ITPR1: variants seen among roughly 807,000 people sequenced by gnomAD.
The protein encoded by ITPR1 is inositol 1,4,5-trisphosphate receptor type 1.
In ITPR1, 96 loss-of-function variants were observed where a neutral mutation model predicts 318.4. That is an observed-to-expected ratio of 0.30 (90% CI 0.26 to 0.36). The LOEUF (loss-of-function observed/expected upper bound fraction) is 0.36. ITPR1 is among the 10% of genes least tolerant of loss of function. The pLI, the probability that ITPR1 is intolerant of heterozygous loss-of-function variation, is 1.00. For missense variants in ITPR1, 2,440 were observed against 3,460.2 expected (o/e 0.71, Z 7.40); for synonymous variants, 1,312 against 1,289.9 (o/e 1.02, Z -0.37).
chr3:4,544,580 G>A (rs1468677090), intron 4 of ITPR1, among the ~76,000 whole-genome samples: 5 of 152,144 alleles, frequency 3.3e-5, no homozygotes, highest in African/African-American at 1.2e-4. Context: ...GCCTTAGTTT[G>A]GCTAGCTAAG....
At chr3:4,609,589 G>A (rs933289786) in intron 4 of ITPR1, among the ~76,000 whole-genome samples, 3 of 151,814 alleles carry the variant, frequency 2.0e-5, no homozygotes, top group African/African-American at 7.3e-5. Context: ...GGGGCTGGAT[G>A]GGAAATGCTG....
chr3:4,787,231 AG>A (rs2047251892), intron 51 of ITPR1, among the ~76,000 whole-genome samples: 1 of 150,188 alleles, frequency 6.7e-6, no homozygotes, highest in Non-Finnish European at 1.5e-5. Context: ...TCCAGATAAA[AG>A]TTGGTCACCT....
chr3:4,719,422 C>T (rs150544378), intron 40 of ITPR1, among the ~76,000 whole-genome samples: 1 of 152,206 alleles, frequency 6.6e-6, no homozygotes, highest in Non-Finnish European at 1.5e-5. Context: ...GTTTCTCCCC[C>T]ACCAAGTCGT....
intron 46 of ITPR1, among the ~76,000 whole-genome samples, chr3:4,773,795 C>G (rs546979698): frequency 3.9e-5 from 6 of 152,116 alleles, no homozygotes; most frequent in Non-Finnish European, 8.8e-5. Context: ...ACAATCGAGC[C>G]CACACAGTCC....
Position 4,782,693 on chromosome 3 carries a change from G to C in ITPR1, c.6462G>C (p.Ala2154=), listed in dbSNP as rs777752541. 1.9e-6 allele frequency: 3 copies of C among 1,597,856 alleles called. No individual in the cohort carries two copies. Among genetic ancestry groups the C allele is most frequent in the African/African-American group, 2.7e-5 (2 of 74,314 alleles). ...ATGGAGAAAACGGTGAGGATGGGGCGGCGTCCCCCAGGAACGTGGGGCACA... is the reference window on the plus strand; with the variant it reads ...ATGGAGAAAACGGTGAGGATGGGGCCGCGTCCCCCAGGAACGTGGGGCACA... ...FEDGENGEDG[A]ASPRNVGHNI... Residue 2154 remains alanine (A), a synonymous_variant, in exon 50 of 62, where the codon GCG becomes GCC. Coordinates refer to ENST00000649015, the MANE Select transcript of ITPR1 (RefSeq NM_001378452.1).
rs2093146596 is a variant in ITPR1, at chr3:4,635,195, T to C, written c.280-4189T>C. 1.3e-5 allele frequency among the ~76,000 whole-genome samples: 2 copies of C among 152,262 alleles called. 1 individual carries two copies. Among genetic ancestry groups the C allele is most frequent in the South Asian group, 4.1e-4 (2 of 4,830 alleles). ...TTCTGAAAAAAGTTGTATGGCCTTG[T>C]GCATATGCCAGGTTGTCCTCTTAGG... is the stretch of plus-strand genomic sequence containing the variant. On this transcript the variant is annotated intron_variant, in intron 5 of 61. Coordinates refer to ENST00000649015, the MANE Select transcript of ITPR1 (RefSeq NM_001378452.1).
chr3:4,502,139 G>A (rs2081068270), intron 2 of ITPR1, among the ~76,000 whole-genome samples: 1 of 152,002 alleles, frequency 6.6e-6, no homozygotes, highest in Non-Finnish European at 1.5e-5. Flanking sequence ...TTGCCTTGTC[G>A]TGTGTGTGTA....
intron 59 of ITPR1, among the ~76,000 whole-genome samples, chr3:4,816,443 A>T (rs2049308676): frequency 6.6e-6 from 1 of 152,170 alleles, no homozygotes; most frequent in East Asian, 1.9e-4. Context: ...TTCATCTTGT[A>T]ACTAGTATCT....
At chr3:4,600,588 A>T (rs2091198835) in intron 4 of ITPR1, among the ~76,000 whole-genome samples, 1 of 152,110 alleles carries the variant, frequency 6.6e-6, no homozygotes, top group African/African-American at 2.4e-5. Context: ...TTTTCCTGGC[A>T]TTTGTCAAAT....
At position 4,714,998 on chromosome 3, in the gene ITPR1, T is replaced by C. The variant is rs186977275; in HGVS notation, c.5104-2369T>C. 1.2e-3 allele frequency among the ~76,000 whole-genome samples: 178 copies of C among 152,386 alleles called. 1 individual carries two copies. Among genetic ancestry groups the C allele is most frequent in the African/African-American group, 4.1e-3 (172 of 41,592 alleles). On this transcript the variant is annotated intron_variant, in intron 39 of 61. Coordinates refer to ENST00000649015, the MANE Select transcript of ITPR1 (RefSeq NM_001378452.1). ...GATAACATTGATCGACCTCTTGTCA[T>C]GTGCTAGCCACTATACTAAACACAT...
intron 10 of ITPR1, among the ~76,000 whole-genome samples, chr3:4,647,076 A>G (rs1323814804): frequency 6.6e-6 from 1 of 152,126 alleles, no homozygotes; most frequent in African/African-American, 2.4e-5. Flanking sequence ...CTTTCTAGGC[A>G]ATGTTTCCTT....
At chr3:4,639,836 T>C (rs974282335) in intron 6 of ITPR1, among the ~76,000 whole-genome samples, 2 of 152,174 alleles carry the variant, frequency 1.3e-5, no homozygotes, top group African/African-American at 4.8e-5. Flanking sequence ...TTTTATCTAC[T>C]GGCCTAAAAC....
intron 40 of ITPR1, among the ~76,000 whole-genome samples, chr3:4,718,441 C>G (rs1163833788): frequency 2.0e-5 from 3 of 152,192 alleles, no homozygotes; most frequent in African/African-American, 7.2e-5. Flanking sequence ...TTCAGGAATA[C>G]TAAGAAATGG....
chr3:4,535,619 G>A (rs1399388227), intron 4 of ITPR1, among the ~76,000 whole-genome samples: 1 of 150,700 alleles, frequency 6.6e-6, no homozygotes, highest in African/African-American at 2.4e-5. Context: ...ATTTTTTTTT[G>A]TATATTTAGT....
intron 17 of ITPR1, among the ~76,000 whole-genome samples, chr3:4,667,077 T>G (rs532603495): frequency 6.6e-6 from 1 of 152,316 alleles, no homozygotes; most frequent in East Asian, 1.9e-4. Flanking sequence ...CTTTGGACCT[T>G]TTTGAAAAAT....
rs1056286149 is a variant in ITPR1 at position 4,826,776 on chromosome 3, C to T, written c.8028+8534C>T. On this transcript the variant is annotated intron_variant, in intron 60 of 61. Coordinates refer to ENST00000649015, the MANE Select transcript of ITPR1 (RefSeq NM_001378452.1). The surrounding 1 kb of genome is among the most constrained non-coding windows in gnomAD (Gnocchi z 4.2). ...GTTTGGGCCCCGGTTCTGCACTGAC[C>T]TCCCAGTGCTCTCCTCCGAATTTCC... Among the ~76,000 whole-genome samples, 1 of 152,226 alleles carries T rather than the reference C, an allele frequency of 6.6e-6. No homozygotes were observed. The highest frequency in any genetic ancestry group is 2.4e-5 in the African/African-American group (1 of 41,454).
At chr3:4,830,960 C>A (rs1220783241) in intron 60 of ITPR1, 1 of 456,638 alleles carries the variant, frequency 2.2e-6, no homozygotes, top group East Asian at 6.9e-5. Context: ...AGCAGACTTT[C>A]TCTGAGGAGG....
Position 4,540,125 on chromosome 3 carries a change from CT to C in ITPR1, c.163+19035del, listed in dbSNP as rs1183619658. ...TTTAAGTTTTTTAAAAAGGTTTTTT[CT>C]TTTGCCTTACCCTCAGTTTTTTCTT... On this transcript the variant is annotated intron_variant, in intron 4 of 61. Transcript: ENST00000649015. Among the ~76,000 whole-genome samples, 3 of 150,764 alleles carry C rather than the reference CT, an allele frequency of 2.0e-5. No individual in the cohort carries two copies. The East Asian group carries it at 5.8e-4, about 29-fold the overall frequency.
intron 17 of ITPR1, among the ~76,000 whole-genome samples, chr3:4,666,932 A>G (rs2093960546): frequency 6.6e-6 from 1 of 152,216 alleles, no homozygotes; most frequent in Non-Finnish European, 1.5e-5. Context: ...TTTACCACAA[A>G]TAAAGGAAAT....
Sources: gnomAD v4.1 joint callset for allele counts (sites outside exome capture counted in the v4.1 genomes callset) on GRCh38, gnomAD v4.1.1 for gene constraint, Gnocchi (gnomAD v3.1) non-coding constraint, MANE v1.5 for transcripts, NCBI Gene and HGNC (gene_info 2026-07-23, HGNC 2026-07-21) for gene names.